The following IQCH variants were observed in gnomAD, a reference collection of about 807,000 sequenced individuals.
IQCH encodes IQ motif containing H.
Under a neutral mutation model 117.0 loss-of-function variants are expected in IQCH, and 98 were observed. The observed-to-expected ratio is 0.84, with a 90% CI of 0.71 to 0.99. The LOEUF is 0.99. IQCH is among the 50% of genes least tolerant of loss of function. The pLI, the probability that IQCH is intolerant of heterozygous loss-of-function variation, is 0.00. For synonymous variants in IQCH, 412 were observed against 448.2 expected, an observed-to-expected ratio of 0.92 and a Z score of 1.02; for missense variants, 1,102 against 1,243.8, an observed-to-expected ratio of 0.89 and a Z score of 1.72.
In IQCH at chr15:67,342,039, G is replaced by A. The variant is rs1969198456; in HGVS notation, c.509-2024G>A. On this transcript the variant is annotated intron_variant, in intron 5 of 20. Coordinates refer to ENST00000335894, the MANE Select transcript of IQCH (RefSeq NM_001031715.3). This position sits in a 1 kb window ranked among gnomAD's most constrained non-coding sequence, Gnocchi z 4.7. The stretch of plus-strand genomic sequence containing the variant: ...TAATCTCAGCACCTTGGGAGGCCAA[G>A]GCAGGAAGATTGCTTGAAACCGGGA... 1.3e-5 allele frequency among the ~76,000 whole-genome samples: 2 copies of A among 152,074 alleles called. No individual in the cohort carries two copies. Among genetic ancestry groups the A allele is most frequent in the African/African-American group, 4.8e-5 (2 of 41,452 alleles).
chr15:67,446,898 C>G (rs918676144), intron 16 of IQCH, among the ~76,000 whole-genome samples: 1 of 152,222 alleles, frequency 6.6e-6, no homozygotes, highest in African/African-American at 2.4e-5. Context: ...CGGTAAATCA[C>G]AAGCCTTCCC....
chr15:67,381,086 C>T lies in IQCH; in HGVS notation c.1373-3850C>T, dbSNP rs940619724. Among the ~76,000 whole-genome samples, 4 of 152,168 alleles carry T rather than the reference C, an allele frequency of 2.6e-5. No homozygotes were observed. Among genetic ancestry groups the T allele is most frequent in the Admixed American group, 6.5e-5 (1 of 15,274 alleles). ...CCTGTCACAGAGACATGCACCAGTG[C>T]CAAGGGGGCTCAGTCACTCAGTGTG... On this transcript the variant is annotated intron_variant, in intron 10 of 20. Coordinates refer to ENST00000335894, the MANE Select transcript of IQCH (RefSeq NM_001031715.3). The surrounding 1 kb of genome is among the most constrained non-coding windows in gnomAD (Gnocchi z 5.1).
At position 67,425,499 on chromosome 15, in the gene IQCH, C is replaced by A. The variant is rs554434681; in HGVS notation, c.2505+3922C>A. ...TGGTGGCATGTGCCTGTAGTCCCAG[C>A]TGCCCGGGAGGCTAAGGCAGGAGAA... is the stretch of plus-strand genomic sequence containing the variant. On this transcript the variant is annotated intron_variant, in intron 16 of 20. Coordinates refer to ENST00000335894, the MANE Select transcript of IQCH (RefSeq NM_001031715.3). This position sits in a 1 kb window ranked among gnomAD's most constrained non-coding sequence, Gnocchi z 5.5. 6.6e-6 allele frequency among the ~76,000 whole-genome samples: 1 copy of A among 152,314 alleles called. No individual in the cohort carries two copies. Among genetic ancestry groups the A allele is most frequent in the African/African-American group, 2.4e-5 (1 of 41,566 alleles).
chr15:67,474,481 A>G lies in IQCH; in HGVS notation c.2677-1215A>G, dbSNP rs752177160. ...TGACTAAGGCAAATATCACATCTCA[A>G]AAAGAACATGCTATAAAACTGCCAG... On this transcript the variant is annotated intron_variant, in intron 17 of 20. Transcript: ENST00000335894. This position sits in a 1 kb window ranked among gnomAD's most constrained non-coding sequence, Gnocchi z 4.1. 6.6e-6 allele frequency among the ~76,000 whole-genome samples: 1 copy of G among 152,192 alleles called. No individual in the cohort carries two copies. The highest frequency in any genetic ancestry group is 1.5e-5 in the Non-Finnish European group (1 of 68,038).
chr15:67,477,816 G>T (rs2083242355), intron 18 of IQCH, among the ~76,000 whole-genome samples: 1 of 152,050 alleles, frequency 6.6e-6, no homozygotes, highest in South Asian at 2.1e-4. Flanking sequence ...CCACACAAAA[G>T]TGCTTCATTA....
In IQCH at chr15:67,414,138, T is replaced by G. The variant is rs187234034; in HGVS notation, c.2098-2793T>G. Among the ~76,000 whole-genome samples, 248 of 152,350 alleles carry G rather than the reference T, an allele frequency of 1.6e-3. 1 individual carries two copies. Among genetic ancestry groups the G allele is most frequent in the Non-Finnish European group, 3.1e-3 (212 of 68,022 alleles). Reference sequence around the variant, plus strand: ...GTTCTTTAGCAGCCTTCCCTCCAGCTGCTTCCTGAGCAGCAAGGAGGAACC... The same window carrying G: ...GTTCTTTAGCAGCCTTCCCTCCAGCGGCTTCCTGAGCAGCAAGGAGGAACC... On this transcript the variant is annotated intron_variant, in intron 14 of 20. Transcript: ENST00000335894.
intron 16 of IQCH, among the ~76,000 whole-genome samples, chr15:67,444,638 T>C (rs2140975319): frequency 6.6e-6 from 1 of 152,304 alleles, no homozygotes; most frequent in East Asian, 1.9e-4. Flanking sequence ...ATAAATGCCA[T>C]CTAGATATCT....
intron 18 of IQCH, among the ~76,000 whole-genome samples, chr15:67,487,930 C>T (rs541981492): frequency 1.9e-4 from 29 of 151,194 alleles, no homozygotes; most frequent in Non-Finnish European, 3.8e-4. Flanking sequence ...TTGGAGAAAA[C>T]GGTTACAAGA....
chr15:67,378,776 T>A (rs1380402765), intron 10 of IQCH, among the ~76,000 whole-genome samples: 3 of 152,070 alleles, frequency 2.0e-5, no homozygotes, highest in Non-Finnish European at 4.4e-5. Flanking sequence ...ATGAGATCTA[T>A]TAATATTAGG....
At chr15:67,275,620 G>C (rs1966089753) in intron 3 of IQCH, among the ~76,000 whole-genome samples, 2 of 152,166 alleles carry the variant, frequency 1.3e-5, no homozygotes, top group Admixed American at 1.3e-4. Flanking sequence ...GCTCATGCCT[G>C]TAATCTCAGC....
intron 16 of IQCH, among the ~76,000 whole-genome samples, chr15:67,442,257 A>G (rs559031505): frequency 6.6e-6 from 1 of 151,352 alleles, no homozygotes; most frequent in Non-Finnish European, 1.5e-5. Flanking sequence ...CTAAATATAC[A>G]CAATTAGCCA....
At chr15:67,341,047 G>A (rs149643653) in intron 5 of IQCH, among the ~76,000 whole-genome samples, 3 of 151,910 alleles carry the variant, frequency 2.0e-5, no homozygotes, top group East Asian at 3.9e-4. Context: ...CCGCAACCCC[G>A]ACAAAAAAAT....
chr15:67,349,226 A>G (rs1359526812), intron 6 of IQCH, among the ~76,000 whole-genome samples: 2 of 152,266 alleles, frequency 1.3e-5, no homozygotes, highest in African/African-American at 4.8e-5. Context: ...GTACCACACC[A>G]AAGGCAAAAT....
Position 67,424,381 on chromosome 15 carries a change from C to A in IQCH, c.2505+2804C>A, listed in dbSNP as rs1431421709. Among the ~76,000 whole-genome samples the A allele has an allele frequency of 3.3e-5, 5 of 152,326 alleles. No individual in the cohort carries two copies. The highest frequency in any genetic ancestry group is 1.9e-4 in the East Asian group (1 of 5,194). ...ATTCTCCTTTTTTAGGTTTTCATAT[C>A]ATTGTGTAGCTGTGTGTGAGCATTC... On this transcript the variant is annotated intron_variant, in intron 16 of 20. Transcript: ENST00000335894. This position sits in a 1 kb window ranked among gnomAD's most constrained non-coding sequence, Gnocchi z 4.9.
rs1352395902 is a variant in IQCH, at chr15:67,476,227, A to G, written c.2799+409A>G. Among the ~76,000 whole-genome samples, 1 of 152,228 alleles carries G rather than the reference A, an allele frequency of 6.6e-6. No homozygotes were observed. Among genetic ancestry groups the G allele is most frequent in the Non-Finnish European group, 1.5e-5 (1 of 68,040 alleles). The stretch of plus-strand genomic sequence containing the variant: ...TAGCACAAGCTAAATGGCTTGAGCC[A>G]CAGAAGCGTATTTTCTCACTGTCTG... On this transcript the variant is annotated intron_variant, in intron 18 of 20. Transcript: ENST00000335894. This position sits in a 1 kb window ranked among gnomAD's most constrained non-coding sequence, Gnocchi z 4.1.
In IQCH at chr15:67,391,024, G is replaced by A. The variant is rs972351165; in HGVS notation, c.1632+2018G>A. 2.6e-5 allele frequency among the ~76,000 whole-genome samples: 4 copies of A among 152,092 alleles called. No homozygotes were observed. Among genetic ancestry groups the A allele is most frequent in the Admixed American group, 2.0e-4 (3 of 15,278 alleles). ...AGCCCCCTTACTTCTCTGGTCCTCT[G>A]GTCCTCATCTATAAAATGAGATCCT... is the stretch of plus-strand genomic sequence containing the variant. On this transcript the variant is annotated intron_variant, in intron 12 of 20. Coordinates refer to ENST00000335894, the MANE Select transcript of IQCH (RefSeq NM_001031715.3). This position sits in a 1 kb window ranked among gnomAD's most constrained non-coding sequence, Gnocchi z 4.3.
chr15:67,308,393 G>A lies in IQCH; in HGVS notation c.388-28582G>A, dbSNP rs1967413130. ...AGAAAATGTTGATTTTTCAGGAAAT[G>A]TGGAGTCAGCATCTTGGTCCCCCTC... is the stretch of plus-strand genomic sequence containing the variant. On this transcript the variant is annotated intron_variant, in intron 4 of 20. Coordinates refer to ENST00000335894, the MANE Select transcript of IQCH (RefSeq NM_001031715.3). Among the ~76,000 whole-genome samples the A allele has an allele frequency of 2.6e-5, 4 of 152,154 alleles. No homozygotes were observed. In the South Asian group the frequency reaches 8.3e-4, roughly 31 times the overall value.
In IQCH at chr15:67,372,391, T is replaced by C; in HGVS notation, c.1034T>C (p.Val345Ala). 6.2e-7 allele frequency: 1 copy of C among 1,614,114 alleles called. No individual in the cohort carries two copies. The highest frequency in any genetic ancestry group is 8.5e-7 in the Non-Finnish European group (1 of 1,179,990). The part of the protein sequence containing the change: ...NKLTRYDLLS[V>A]LEDPAHVQML... ...CTTACCAGATATGACCTTCTCTCAG[T>C]GTTAGAGGACCCAGCTCATGTCCAA... Residue 345 changes from valine to alanine, a missense_variant, in exon 9 of 21, where the codon GTG becomes GCG. Physicochemically the swap from Val to Ala is moderately conservative, Grantham distance 64 (BLOSUM62 0). This residue lies in a region of IQCH where 452 missense variants were observed against 449.6 expected (regional missense o/e 1.01). Coordinates refer to ENST00000335894, the MANE Select transcript of IQCH (RefSeq NM_001031715.3).
intron 17 of IQCH, among the ~76,000 whole-genome samples, chr15:67,471,594 T>C (rs1307554224): frequency 1.3e-5 from 2 of 152,250 alleles, no homozygotes; most frequent in Non-Finnish European, 2.9e-5. Context: ...CACCTTCTGA[T>C]GAAAAGGTTT....
Sources: allele counts gnomAD v4.1 joint callset (sites outside exome capture counted in the v4.1 genomes callset), GRCh38; gene constraint gnomAD v4.1.1; regional missense constraint gnomAD v4.1.1; non-coding constraint Gnocchi (gnomAD v3.1); transcripts MANE v1.5; gene names NCBI Gene and HGNC (gene_info 2026-07-23, HGNC 2026-07-21).